CPNE5: variants seen among roughly 807,000 people sequenced by gnomAD.
The protein encoded by CPNE5 is copine-5.
CPNE5 carries 42 observed loss-of-function variants against 81.1 expected under a neutral mutation model. That is an observed-to-expected ratio of 0.52 (90% CI 0.40 to 0.67). The LOEUF is 0.67. Among genes scored for constraint, CPNE5 ranks in the 30% least tolerant of loss-of-function variants. The probability of loss-of-function intolerance (pLI) is 0.00; values close to 1 mark genes in which losing one functional copy is unlikely to be tolerated. For missense variants in CPNE5, 612 were observed against 815.5 expected (o/e 0.75, Z 3.04); for synonymous variants, 313 against 321.5 (o/e 0.97, Z 0.28).
At chr6:36,831,221 A>G (rs947854556) in intron 1 of CPNE5, among the ~76,000 whole-genome samples, 1 of 151,088 alleles carries the variant, frequency 6.6e-6, no homozygotes, top group African/African-American at 2.4e-5. Flanking sequence ...CACCCGGCTA[A>G]TTTTTGTATT....
At chr6:36,800,105 G>A (rs773644548) in intron 3 of CPNE5, 35 bp from the exon 4 acceptor site, 22 of 1,507,108 alleles carry the variant, frequency 1.5e-5, no homozygotes, top group East Asian at 4.6e-5. Flanking sequence ...CCTCAGGGCC[G>A]GGCTGGTGGG....
chr6:36,820,420 C>A (rs971546237), intron 3 of CPNE5, among the ~76,000 whole-genome samples: 17 of 145,950 alleles, frequency 1.2e-4, no homozygotes, highest in Admixed American at 1.2e-3. Context: ...CGGCTCACTG[C>A]AACCTCTGCC....
At chr6:36,827,617 CCA>C in intron 1 of CPNE5, 1 of 985,404 alleles carries the variant, frequency 1.0e-6, no homozygotes, top group Non-Finnish European at 1.2e-6. Flanking sequence ...ACGTGTAGCA[CCA>C]GAAGTTTCTT....
chr6:36,815,960 G>A (rs954940695), intron 3 of CPNE5, among the ~76,000 whole-genome samples: 1 of 152,220 alleles, frequency 6.6e-6, no homozygotes, highest in African/African-American at 2.4e-5. Context: ...GGGAGGGGCA[G>A]GGATCTCCAT....
chr6:36,788,305 G>A (rs1037306192), intron 8 of CPNE5, among the ~76,000 whole-genome samples: 2 of 151,956 alleles, frequency 1.3e-5, no homozygotes, highest in African/African-American at 4.8e-5. Flanking sequence ...GCTCAGCCTC[G>A]CAAAGTGCTG....
chr6:36,819,146 A>G (rs1479373830), intron 3 of CPNE5, among the ~76,000 whole-genome samples: 1 of 152,226 alleles, frequency 6.6e-6, no homozygotes, highest in Non-Finnish European at 1.5e-5. Context: ...TCTGTCAACC[A>G]GGCTGGAGTG....
intron 12 of CPNE5, among the ~76,000 whole-genome samples, chr6:36,761,600 G>A (rs991479928): frequency 7.9e-5 from 12 of 152,216 alleles, no homozygotes; most frequent in African/African-American, 2.9e-4. Flanking sequence ...GTGCCAGGAT[G>A]GTAGGATGGT....
chr6:36,764,624 G>A (rs971882004), intron 11 of CPNE5, among the ~76,000 whole-genome samples: 1 of 152,062 alleles, frequency 6.6e-6, no homozygotes, highest in Non-Finnish European at 1.5e-5. Flanking sequence ...CTGAAGCTTC[G>A]AGAGGCCTGC....
chr6:36,749,595 G>C (rs1764571050), intron 14 of CPNE5, among the ~76,000 whole-genome samples: 2 of 151,786 alleles, frequency 1.3e-5, no homozygotes. Flanking sequence ...GGGAGCCTGA[G>C]GTGGGAGGAT....
Position 36,742,436 on chromosome 6 carries a change from G to A in CPNE5, c.1614C>T (p.Ser538=), listed in dbSNP as rs574619662. The A allele has an allele frequency of 3.1e-6, 5 of 1,613,528 alleles. No homozygotes were observed. The South Asian group carries it at 5.5e-5, about 18-fold the overall frequency. Residue 538 remains serine (S), a synonymous_variant, in exon 21 of 21, where the codon AGC becomes AGT. Transcript: ENST00000244751. ...GCACGTCTCGGGCCAGGCGGGCCAT[G>A]CTCAGCACGTGGTTGCCTGTGCGGT... is the stretch of plus-strand genomic sequence containing the variant. The part of the protein sequence containing the change: ...YVDRTGNHVL[S]MARLARDVLA...
chr6:36,836,103 C>T (rs1773479218), intron 1 of CPNE5, among the ~76,000 whole-genome samples: 1 of 152,174 alleles, frequency 6.6e-6, no homozygotes, highest in Admixed American at 6.5e-5. Flanking sequence ...AACCGTTGTG[C>T]CAAATAACCA....
rs1766546698 is a variant in CPNE5, at chr6:36,766,146, C to T, written c.738-770G>A. Among the ~76,000 whole-genome samples the T allele has an allele frequency of 6.6e-6, 1 of 152,046 alleles. No homozygotes were observed. Among genetic ancestry groups the T allele is most frequent in the African/African-American group, 2.4e-5 (1 of 41,400 alleles). ...CAGGGACAGGGGAGCTGCCAGGGTC[C>T]CACAGCAGGGTCAGGTTTGGGGAGG... is the stretch of plus-strand genomic sequence containing the variant. On this transcript the variant is annotated intron_variant, in intron 10 of 20. Transcript: ENST00000244751. The surrounding 1 kb of genome is among the most constrained non-coding windows in gnomAD (Gnocchi z 4.2).
At chr6:36,831,350 C>T (rs1284089026) in intron 1 of CPNE5, among the ~76,000 whole-genome samples, 2 of 149,990 alleles carry the variant, frequency 1.3e-5, no homozygotes, top group African/African-American at 2.5e-5. Context: ...CCACCGCACC[C>T]GGACTCTTTT....
chr6:36,808,314 C>A (rs1175257881), intron 3 of CPNE5, among the ~76,000 whole-genome samples: 1 of 152,108 alleles, frequency 6.6e-6, no homozygotes, highest in Non-Finnish European at 1.5e-5. Context: ...TGGTCTCGAA[C>A]TCCTGACCTC....
At position 36,746,351 on chromosome 6, in the gene CPNE5, C is replaced by T. The variant is rs776601107; in HGVS notation, c.1200+45G>A. 8.5e-6 allele frequency: 13 copies of T among 1,523,630 alleles called. No individual in the cohort carries two copies. The African/African-American group carries it at 1.5e-4, about 18-fold the overall frequency. 94.4% of individuals were successfully genotyped at this position (1,523,630 alleles called of 1,614,324 possible). A position where few individuals can be genotyped will look rare whatever the true frequency, so the allele number is the denominator to read the frequency against. On this transcript the variant is annotated intron_variant, in intron 16 of 20. Transcript: ENST00000244751. This position sits in a 1 kb window ranked among gnomAD's most constrained non-coding sequence, Gnocchi z 4.5. The stretch of plus-strand genomic sequence containing the variant: ...CCCCCACCCCCAGCTTGTCACCTCA[C>T]CCCCAGCCTGATCAGTCCTCTCTCC...
rs939138761 is a variant in CPNE5 at position 36,741,292 on chromosome 6, C to G, written c.*976G>C. 1 of 152,224 alleles carries G rather than the reference C, an allele frequency of 6.6e-6. No individual in the cohort carries two copies. Among genetic ancestry groups the G allele is most frequent in the Non-Finnish European group, 1.5e-5 (1 of 68,068 alleles). 9.4% of individuals were successfully genotyped at this position (152,224 alleles called of 1,614,324 possible). A position where few individuals can be genotyped will look rare whatever the true frequency, so the allele number is the denominator to read the frequency against. On this transcript the variant is annotated 3_prime_UTR_variant, in exon 21 of 21. Coordinates refer to ENST00000244751, the MANE Select transcript of CPNE5 (RefSeq NM_020939.2). Reference sequence around the variant, plus strand: ...CCATCTGGTCAACCCTCTTGTGGTACAGACATGGAAACTGAGGCCCAAAAG... The same window carrying G: ...CCATCTGGTCAACCCTCTTGTGGTAGAGACATGGAAACTGAGGCCCAAAAG...
chr6:36,808,855 C>T (rs236396), intron 3 of CPNE5, among the ~76,000 whole-genome samples: 46,284 of 152,084 alleles, frequency 0.3, 7,815 homozygotes, highest in African/African-American at 0.43. Context: ...TAAGATAAGG[C>T]TCAGAGAGAT....
At chr6:36,802,065 A>T (rs922306899) in intron 3 of CPNE5, among the ~76,000 whole-genome samples, 12 of 152,012 alleles carry the variant, frequency 7.9e-5, no homozygotes, top group Non-Finnish European at 1.8e-4. Flanking sequence ...CTAAAAATAC[A>T]AAAATTAGCT....
chr6:36,744,361 C>T (rs370381809), intron 18 of CPNE5, 36 bp from the exon 19 acceptor site: 72 of 1,532,370 alleles, frequency 4.7e-5, no homozygotes, highest in Non-Finnish European at 6.3e-5. Context: ...AAAGGTTGGA[C>T]CCAATTGGGA....
Sources: allele counts gnomAD v4.1 joint callset (sites outside exome capture counted in the v4.1 genomes callset), GRCh38; gene constraint gnomAD v4.1.1; non-coding constraint Gnocchi (gnomAD v3.1); transcripts MANE v1.5; gene names NCBI Gene and HGNC (gene_info 2026-07-23, HGNC 2026-07-21).